CLASP1: variants seen among roughly 807,000 people sequenced by gnomAD.
CLASP1 encodes the protein cytoplasmic linker associated protein 1, also known as CLIP-associating protein 1.
In CLASP1, 38 loss-of-function variants were observed where a neutral mutation model predicts 192.3. The ratio of observed to expected loss-of-function variants is 0.20; its 90% CI spans 0.15 to 0.26. CLASP1 has a LOEUF of 0.26. Ranked by LOEUF, CLASP1 falls within the 10% of genes least tolerant of loss-of-function variation. The pLI, the probability that CLASP1 is intolerant of heterozygous loss-of-function variation, is 1.00. For missense variants in CLASP1, 1,433 were observed against 1,932.5 expected (o/e 0.74, Z 4.85); for synonymous variants, 691 against 712.8 (o/e 0.97, Z 0.49).
chr2:121,531,436 A>C (rs1420976653), intron 2 of CLASP1, among the ~76,000 whole-genome samples: 1 of 151,408 alleles, frequency 6.6e-6, no homozygotes, highest in Non-Finnish European at 1.5e-5. Flanking sequence ...TCTCCTAAAA[A>C]TACAAAAAAT....
chr2:121,361,995 G>A (rs1458073188), intron 37 of CLASP1, among the ~76,000 whole-genome samples: 1 of 152,224 alleles, frequency 6.6e-6, no homozygotes, highest in Non-Finnish European at 1.5e-5. Context: ...ATTTGAAGAG[G>A]TCACATCAGT....
At chr2:121,611,559 G>A (rs2065497633) in intron 1 of CLASP1, among the ~76,000 whole-genome samples, 1 of 140,976 alleles carries the variant, frequency 7.1e-6, no homozygotes, top group African/African-American at 2.7e-5. Context: ...AACTGGAGGA[G>A]GAAGAGGAGT....
chr2:121,404,309 T>C, intron 26 of CLASP1, 62 bp downstream of exon 27: 1 of 1,585,740 alleles, frequency 6.3e-7, no homozygotes, highest in Non-Finnish European at 8.6e-7. Context: ...TTGGGTAGTA[T>C]ATCACACAGA....
intron 6 of CLASP1, among the ~76,000 whole-genome samples, chr2:121,517,424 T>A (rs1250478473): frequency 6.6e-6 from 1 of 152,220 alleles, no homozygotes; most frequent in African/African-American, 2.4e-5. Context: ...ATAATTTTTA[T>A]CTCTTCCAGT....
At chr2:121,347,284 A>T in intron 38 of CLASP1, 130 bp from the exon 40 acceptor site, 2 of 641,508 alleles carry the variant, frequency 3.1e-6, no homozygotes. Flanking sequence ...ACCAGGATAG[A>T]CCTCAGCCCC....
intron 7 of CLASP1, chr2:121,505,435 G>C (rs561222350): frequency 6.6e-6 from 1 of 152,240 alleles, no homozygotes; most frequent in South Asian, 2.1e-4. Context: ...TGCCTCACTA[G>C]CTCCCTCATT....
At chr2:121,478,603 A>AAC (rs550579178) in intron 8 of CLASP1, among the ~76,000 whole-genome samples, 182 of 141,996 alleles carry the variant, frequency 1.3e-3, no homozygotes, top group Middle Eastern at 3.7e-3. Flanking sequence ...TCCGTCTCAA[A>AAC]ACACACACAC....
At chr2:121,341,019 C>T in intron 39 of CLASP1, 72 bp from the exon 41 acceptor site, 1 of 995,196 alleles carries the variant, frequency 1.0e-6, no homozygotes, top group East Asian at 2.6e-5. Context: ...CAAAAAGAAT[C>T]CCAGGTGACA....
At chr2:121,631,015 C>T (rs1322625942) in intron 1 of CLASP1, among the ~76,000 whole-genome samples, 1 of 151,034 alleles carries the variant, frequency 6.6e-6, no homozygotes, top group East Asian at 2.0e-4. Context: ...AAAAATTAGC[C>T]GGGTGTGGTG....
chr2:121,549,889 C>T (rs2057861423), intron 2 of CLASP1, among the ~76,000 whole-genome samples: 1 of 151,364 alleles, frequency 6.6e-6, no homozygotes, highest in African/African-American at 2.4e-5. Context: ...GCCTGTAGTC[C>T]CAGCTACTCA....
rs558786522 is a variant in CLASP1 at position 121,465,484 on chromosome 2, A to T, written c.866-2879T>A. Among the ~76,000 whole-genome samples the T allele has an allele frequency of 3.9e-5, 6 of 152,354 alleles. No individual in the cohort carries two copies. In the South Asian group the frequency reaches 1.2e-3, roughly 32 times the overall value. The stretch of plus-strand genomic sequence containing the variant: ...AAAAGGGATGTGAAGGACCTCTTTA[A>T]GGAGAACTACAAACCACTGCTCAAT... On this transcript the variant is annotated intron_variant, in intron 9 of 39. Transcript: ENST00000263710.
intron 37 of CLASP1, among the ~76,000 whole-genome samples, chr2:121,350,838 G>A (rs2064229815): frequency 6.6e-6 from 1 of 152,176 alleles, no homozygotes; most frequent in Non-Finnish European, 1.5e-5. Context: ...TTCTCTCAGG[G>A]CGGTAAGATA....
At chr2:121,393,872 A>G (rs76635206) in intron 30 of CLASP1, among the ~76,000 whole-genome samples, 1 of 105,592 alleles carries the variant, frequency 9.5e-6, no homozygotes, top group African/African-American at 3.8e-5. Context: ...TTGGATGATT[A>G]AAAAAAAAAA....
chr2:121,398,199 T>C (rs951825539), intron 29 of CLASP1, 123 bp downstream of exon 30: 82 of 718,344 alleles, frequency 1.1e-4, no homozygotes, highest in Non-Finnish European at 1.6e-4. Flanking sequence ...CCACAAAGAA[T>C]CAAACAAGAA....
intron 2 of CLASP1, among the ~76,000 whole-genome samples, chr2:121,560,186 A>T (rs951359591): frequency 1.1e-4 from 16 of 152,246 alleles, no homozygotes; most frequent in Non-Finnish European, 1.6e-4. Flanking sequence ...ACTATACTTG[A>T]ATACTACAGA....
At chr2:121,641,578 A>G (rs2072083992) in intron 1 of CLASP1, among the ~76,000 whole-genome samples, 1 of 152,234 alleles carries the variant, frequency 6.6e-6, no homozygotes, top group Admixed American at 6.5e-5. Context: ...TTGGAAACCA[A>G]GGAAGTAACA....
At chr2:121,631,700 C>G (rs1378659608) in intron 1 of CLASP1, among the ~76,000 whole-genome samples, 1 of 152,090 alleles carries the variant, frequency 6.6e-6, no homozygotes, top group Non-Finnish European at 1.5e-5. Context: ...CGCTTGAGCT[C>G]ATGAGTTTGA....
intron 1 of CLASP1, among the ~76,000 whole-genome samples, chr2:121,613,363 C>T (rs1358983227): frequency 2.6e-5 from 4 of 152,056 alleles, no homozygotes; most frequent in African/African-American, 4.8e-5. Context: ...TTTATAGTAC[C>T]CTGGAAAGTA....
chr2:121,429,406 G>A (rs904500231), intron 20 of CLASP1, among the ~76,000 whole-genome samples: 7 of 152,124 alleles, frequency 4.6e-5, no homozygotes, highest in Non-Finnish European at 7.4e-5. Flanking sequence ...GAGAGGAGGC[G>A]GGCCCCTTAA....
Sources: allele counts gnomAD v4.1 joint callset (sites outside exome capture counted in the v4.1 genomes callset), GRCh38; gene constraint gnomAD v4.1.1; transcripts MANE v1.5; gene names NCBI Gene and HGNC (gene_info 2026-07-23, HGNC 2026-07-21).